Variants in TMIGD3 observed in about 807,000 individuals in gnomAD.
TMIGD3 encodes transmembrane and immunoglobulin domain containing 3, also known as AD026 protein (AD026).
A neutral mutation model predicts 28.1 loss-of-function variants in TMIGD3; 21 were observed. The observed-to-expected ratio is 0.75, with a 90% CI of 0.53 to 1.08. TMIGD3 has a LOEUF of 1.08. Ranked by LOEUF, TMIGD3 falls within the 50% of genes least tolerant of loss-of-function variation. TMIGD3 has a pLI of 0.00. For synonymous variants in TMIGD3, 151 were observed against 162.1 expected (o/e 0.93, Z 0.52); for missense variants, 416 against 435.6 (o/e 0.96, Z 0.40).
chr1:111,500,108 C>T (rs1283036540), intron 1 of TMIGD3: 1 of 1,613,924 alleles, frequency 6.2e-7, no homozygotes, highest in African/African-American at 1.3e-5. Flanking sequence ...AGCAGGATGC[C>T]CATGTACAGC....
chr1:111,520,634 A>G (rs978069868), intron 1 of TMIGD3, among the ~76,000 whole-genome samples: 3 of 152,246 alleles, frequency 2.0e-5, no homozygotes, highest in Admixed American at 6.5e-5. Flanking sequence ...ATCTGAAAAC[A>G]GTGTTTTTCA....
chr1:111,542,017 C>T (rs1286214572), intron 1 of TMIGD3, among the ~76,000 whole-genome samples: 1 of 151,774 alleles, frequency 6.6e-6, no homozygotes, highest in Non-Finnish European at 1.5e-5. Flanking sequence ...CCATTCATTC[C>T]ATAAGCATTC....
intron 5 of TMIGD3, among the ~76,000 whole-genome samples, chr1:111,484,439 A>C (rs1180527992): frequency 6.6e-6 from 1 of 152,240 alleles, no homozygotes; most frequent in Non-Finnish European, 1.5e-5. Context: ...AAAAAGTGAC[A>C]ATGGTTTTAG....
intron 1 of TMIGD3, among the ~76,000 whole-genome samples, chr1:111,508,984 A>G (rs1316097852): frequency 6.6e-6 from 1 of 152,238 alleles, no homozygotes; most frequent in African/African-American, 2.4e-5. Context: ...AATCCCAGCT[A>G]CGCAGGAGGC....
intron 5 of TMIGD3, 196 bp downstream of exon 5, chr1:111,485,544 T>G (rs1654320900): frequency 5.9e-6 from 3 of 510,430 alleles, no homozygotes; most frequent in African/African-American, 2.0e-5. Context: ...AAAGCTCCAG[T>G]GCTCCCTCTG....
At chr1:111,546,301 G>C (rs1476183101) in intron 1 of TMIGD3, among the ~76,000 whole-genome samples, 1 of 152,070 alleles carries the variant, frequency 6.6e-6, no homozygotes, top group African/African-American at 2.4e-5. Context: ...TATTTTAACT[G>C]TACAGCTCAG....
chr1:111,483,682 T>G lies in TMIGD3; in HGVS notation c.*5A>C. ...CTTTATGAACTAAATTAAAAAAATC[T>G]TCAGTCACATCTGTTCAGTAGGAGC... On this transcript the variant is annotated 3_prime_UTR_variant, in exon 6 of 6. Transcript: ENST00000369716. 1 of 1,610,684 alleles carries G rather than the reference T, an allele frequency of 6.2e-7. No individual in the cohort carries two copies. Among genetic ancestry groups the G allele is most frequent in the South Asian group, 1.1e-5 (1 of 91,016 alleles).
At chr1:111,490,532 C>A in intron 2 of TMIGD3, 124 bp downstream of exon 2, 2 of 661,300 alleles carry the variant, frequency 3.0e-6, no homozygotes, top group Non-Finnish European at 5.3e-6. Context: ...TTTTATTTTC[C>A]CATCCCACTC....
At chr1:111,535,832 T>C (rs960497517) in intron 1 of TMIGD3, among the ~76,000 whole-genome samples, 1 of 152,182 alleles carries the variant, frequency 6.6e-6, no homozygotes, top group African/African-American at 2.4e-5. Context: ...ATGTTAGCCA[T>C]TGAGCTCTAG....
At chr1:111,487,825 A>G (rs751631607) in intron 3 of TMIGD3, among the ~76,000 whole-genome samples, 10 of 152,176 alleles carry the variant, frequency 6.6e-5, no homozygotes, top group Non-Finnish European at 1.0e-4. Context: ...ATTTTTTGAG[A>G]CAGGGTCTCA....
Position 111,499,725 on chromosome 1 carries a change from A to G in TMIGD3, c.350+3280T>C. 3 of 1,371,240 alleles carry G rather than the reference A, an allele frequency of 2.2e-6. No individual in the cohort carries two copies. The South Asian group carries it at 4.9e-5, about 22-fold the overall frequency. The allele number at this position is 1,371,240 out of a possible 1,614,324, so 84.9% of individuals were successfully genotyped here. A position where few individuals can be genotyped will look rare whatever the true frequency, so the allele number is the denominator to read the frequency against. ...ATCAATAATACGTTGTCCCCAAGTC[A>G]GGCCTCCAAAACACTGAATTAGAGA... On this transcript the variant is annotated intron_variant, in intron 1 of 5. Transcript: ENST00000369716.
intron 1 of TMIGD3, among the ~76,000 whole-genome samples, chr1:111,521,291 A>C (rs1157982868): frequency 6.6e-6 from 1 of 152,150 alleles, no homozygotes; most frequent in African/African-American, 2.4e-5. Context: ...TGGGGTAAAT[A>C]CCTCGTTATG....
chr1:111,495,048 G>T (rs1654828227), intron 1 of TMIGD3, among the ~76,000 whole-genome samples: 1 of 152,192 alleles, frequency 6.6e-6, no homozygotes, highest in Non-Finnish European at 1.5e-5. Context: ...AACCCTGGAA[G>T]GCAAACTAGC....
intron 1 of TMIGD3, among the ~76,000 whole-genome samples, chr1:111,558,902 T>C (rs76726369): frequency 0.012 from 1,772 of 152,258 alleles, 39 homozygotes; most frequent in African/African-American, 0.041. Flanking sequence ...ATCCAACTGA[T>C]TATATGTAAA....
At chr1:111,543,885 G>C (rs1482098292) in intron 1 of TMIGD3, among the ~76,000 whole-genome samples, 1 of 152,184 alleles carries the variant, frequency 6.6e-6, no homozygotes, top group African/African-American at 2.4e-5. Flanking sequence ...TTCTCAGAGA[G>C]AGAGTAGACA....
At chr1:111,535,679 C>A (rs377564164) in intron 1 of TMIGD3, among the ~76,000 whole-genome samples, 1 of 152,116 alleles carries the variant, frequency 6.6e-6, no homozygotes, top group Non-Finnish European at 1.5e-5. Context: ...CAATGAGGGC[C>A]GATAACTCCG....
rs185914699 is a variant in TMIGD3, at chr1:111,499,593, A to G, written c.350+3412T>C. Reference sequence around the variant, plus strand: ...AATGGTATGGAAATGAGTCACCACCACACACATGTTCAGCCCAACTGGAGC... The same window carrying G: ...AATGGTATGGAAATGAGTCACCACCGCACACATGTTCAGCCCAACTGGAGC... On this transcript the variant is annotated intron_variant, in intron 1 of 5. Coordinates refer to ENST00000369716, the MANE Select transcript of TMIGD3 (RefSeq NM_020683.7). 6.7e-4 allele frequency: 713 copies of G among 1,066,750 alleles called. 3 individuals are homozygous for G. The African/African-American group carries it at 0.01, about 15-fold the overall frequency. The allele number at this position is 1,066,750 out of a possible 1,614,324, so 66.1% of individuals were successfully genotyped here.
intron 1 of TMIGD3, chr1:111,500,596 T>C (rs1424205501): frequency 1.9e-6 from 3 of 1,592,626 alleles, no homozygotes; most frequent in Non-Finnish European, 8.6e-7. Context: ...ACAGCAGTAA[T>C]TGCTAAAGGG....
At chr1:111,507,836 A>T (rs1422472275), upstream of TMIGD3, among the ~76,000 whole-genome samples, 1 of 152,216 alleles carries the variant, frequency 6.6e-6, no homozygotes, top group Non-Finnish European at 1.5e-5. Context: ...TAGAAAAGAC[A>T]AGTGCTCAGG....
Sources: allele counts gnomAD v4.1 joint callset (sites outside exome capture counted in the v4.1 genomes callset), GRCh38; gene constraint gnomAD v4.1.1; transcripts MANE v1.5; gene names NCBI Gene and HGNC (gene_info 2026-07-23, HGNC 2026-07-21).